Variants in EFNA5 observed in about 807,000 individuals in gnomAD.
EFNA5 encodes ephrin-A5.
Under a neutral mutation model 22.9 loss-of-function variants are expected in EFNA5, and 5 were observed. The ratio of observed to expected loss-of-function variants is 0.22; its 90% CI spans 0.11 to 0.46. EFNA5 has a LOEUF of 0.46. Ranked by LOEUF, EFNA5 falls within the 20% of genes least tolerant of loss-of-function variation. The pLI, the probability that EFNA5 is intolerant of heterozygous loss-of-function variation, is 0.99. For missense variants in EFNA5, 237 were observed against 293.3 expected (o/e 0.81, Z 1.40); for synonymous variants, 113 against 112.2 (o/e 1.01, Z -0.04).
At chr5:107,575,355 T>A (rs1041402305) in intron 1 of EFNA5, among the ~76,000 whole-genome samples, 6 of 152,220 alleles carry the variant, frequency 3.9e-5, no homozygotes, top group African/African-American at 1.4e-4. Context: ...CCCAAAATGT[T>A]TGGGTTGTTT....
chr5:107,569,559 T>TTATATATATATATATATATATATTTA (rs1748743144), intron 1 of EFNA5, among the ~76,000 whole-genome samples: 5 of 42,494 alleles, frequency 1.2e-4, no homozygotes, highest in African/African-American at 3.1e-4. Context: ...ATATATATAT[T>TTATATATATATATATATATATATTTA]TATATATATA....
intron 1 of EFNA5, among the ~76,000 whole-genome samples, chr5:107,473,193 A>G (rs1334436843): frequency 1.3e-5 from 2 of 151,470 alleles, no homozygotes; most frequent in African/African-American, 4.9e-5. Context: ...TGCCTCTGAA[A>G]CTTACACTCT....
At chr5:107,487,975 T>C (rs1746689401) in intron 1 of EFNA5, among the ~76,000 whole-genome samples, 1 of 152,162 alleles carries the variant, frequency 6.6e-6, no homozygotes, top group African/African-American at 2.4e-5. Flanking sequence ...GTATTGCCTA[T>C]GGAAATGTGA....
At chr5:107,545,725 G>T (rs1748132340) in intron 1 of EFNA5, among the ~76,000 whole-genome samples, 1 of 152,148 alleles carries the variant, frequency 6.6e-6, no homozygotes, top group Admixed American at 6.6e-5. Flanking sequence ...ACAAATGCAA[G>T]GGAGTTTTGT....
At chr5:107,417,918 GTC>G (rs1748545893) in intron 2 of EFNA5, among the ~76,000 whole-genome samples, 1 of 152,190 alleles carries the variant, frequency 6.6e-6, no homozygotes, top group African/African-American at 2.4e-5. Flanking sequence ...GAGTGGGAAA[GTC>G]TGTAGAAATA....
intron 1 of EFNA5, among the ~76,000 whole-genome samples, chr5:107,643,926 C>G (rs1241445581): frequency 2.6e-5 from 4 of 151,722 alleles, no homozygotes; most frequent in South Asian, 2.1e-4. Flanking sequence ...TAGAGAAAGT[C>G]TGTGTGTGAA....
At chr5:107,566,102 A>G (rs538124559) in intron 1 of EFNA5, among the ~76,000 whole-genome samples, 91 of 152,316 alleles carry the variant, frequency 6.0e-4, no homozygotes, top group African/African-American at 2.1e-3. Context: ...TTTAAAAAAG[A>G]AAAACTCCAC....
At chr5:107,571,572 G>C (rs1341352589) in intron 1 of EFNA5, among the ~76,000 whole-genome samples, 1 of 151,536 alleles carries the variant, frequency 6.6e-6, no homozygotes. Context: ...AATGCTAATG[G>C]CATAGGTTTG....
chr5:107,605,741 T>G (rs893670230), intron 1 of EFNA5, among the ~76,000 whole-genome samples: 7 of 152,166 alleles, frequency 4.6e-5, no homozygotes, highest in Non-Finnish European at 1.0e-4. Flanking sequence ...ACACAGAGAT[T>G]GCATTGTTCT....
chr5:107,610,087 C>A (rs1341817329), intron 1 of EFNA5, among the ~76,000 whole-genome samples: 1 of 152,178 alleles, frequency 6.6e-6, no homozygotes, highest in Admixed American at 6.5e-5. Flanking sequence ...AAATTCTCTT[C>A]TATTATTTCC....
rs200187971 is a variant in EFNA5 at position 107,670,640 on chromosome 5, G to A, written c.-27C>T. The stretch of plus-strand genomic sequence containing the variant: ...ACGCCTGGCCAGCGGCGGAGCCCCC[G>A]ACGCGCCACTCCGGGGAGAGAGCGG... On this transcript the variant is annotated 5_prime_UTR_variant, in exon 1 of 5. Transcript: ENST00000333274. 4 of 1,595,380 alleles carry A rather than the reference G, an allele frequency of 2.5e-6. No individual in the cohort carries two copies. Among genetic ancestry groups the A allele is most frequent in the Non-Finnish European group, 3.4e-6 (4 of 1,171,810 alleles).
Position 107,456,952 on chromosome 5 carries a change from C to T in EFNA5, c.126-29443G>A, listed in dbSNP as rs568966113. Among the ~76,000 whole-genome samples, 75 of 152,264 alleles carry T rather than the reference C, an allele frequency of 4.9e-4. 1 individual carries two copies. Among genetic ancestry groups the T allele is most frequent in the Middle Eastern group, 3.4e-3 (1 of 294 alleles). Reference sequence around the variant, plus strand: ...AGCACAGTTGTTCTGCTAGTGTACACTGCTTCCCTTCACGCTTACTGTTGT... The same window carrying T: ...AGCACAGTTGTTCTGCTAGTGTACATTGCTTCCCTTCACGCTTACTGTTGT... On this transcript the variant is annotated intron_variant, in intron 1 of 4. Coordinates refer to ENST00000333274, the MANE Select transcript of EFNA5 (RefSeq NM_001962.3).
rs1561443039 is a variant in EFNA5, at chr5:107,591,951, A to AATATATATAATATATATT, written c.125+78537_125+78538insAATATATATTATATATAT. On this transcript the variant is annotated intron_variant, in intron 1 of 4. Coordinates refer to ENST00000333274, the MANE Select transcript of EFNA5 (RefSeq NM_001962.3). ...AATATATAATATATATATTATATAT[A>AATATATATAATATATATT]ATATATAATATATATAATATATATA... 5.2e-3 allele frequency among the ~76,000 whole-genome samples: 64 copies of AATATATATAATATATATT among 12,376 alleles called. 7 individuals are homozygous for AATATATATAATATATATT. Among genetic ancestry groups the AATATATATAATATATATT allele is most frequent in the Admixed American group, 7.8e-3 (5 of 640 alleles). 8.1% of individuals were successfully genotyped at this position (12,376 alleles called of 152,430 possible).
intron 1 of EFNA5, among the ~76,000 whole-genome samples, chr5:107,666,890 T>C (rs183689753): frequency 5.9e-5 from 9 of 152,268 alleles, no homozygotes; most frequent in African/African-American, 1.7e-4. Flanking sequence ...CTTAGTATTA[T>C]GACTCTCTTT....
chr5:107,458,599 G>A (rs926149949), intron 1 of EFNA5, among the ~76,000 whole-genome samples: 4 of 151,886 alleles, frequency 2.6e-5, no homozygotes, highest in Non-Finnish European at 4.4e-5. Context: ...ACAATAAACT[G>A]CAGTTATAAA....
At chr5:107,553,674 T>C (rs1748348252) in intron 1 of EFNA5, among the ~76,000 whole-genome samples, 1 of 152,248 alleles carries the variant, frequency 6.6e-6, no homozygotes, top group Non-Finnish European at 1.5e-5. Flanking sequence ...CTATTGACAT[T>C]AGTGTATCTT....
At chr5:107,539,803 T>C (rs1382178597) in intron 1 of EFNA5, among the ~76,000 whole-genome samples, 3 of 152,048 alleles carry the variant, frequency 2.0e-5, no homozygotes. Context: ...CAGCATACCA[T>C]TGGTGACTCT....
intron 1 of EFNA5, among the ~76,000 whole-genome samples, chr5:107,430,409 CTAAG>C (rs913064059): frequency 1.3e-5 from 2 of 151,972 alleles, no homozygotes; most frequent in African/African-American, 2.4e-5. Flanking sequence ...TTTTCTTTCC[CTAAG>C]TGTCACTCAT....
At chr5:107,519,642 A>C (rs1371825192) in intron 1 of EFNA5, among the ~76,000 whole-genome samples, 2 of 152,242 alleles carry the variant, frequency 1.3e-5, no homozygotes, top group Non-Finnish European at 2.9e-5. Flanking sequence ...TCTTTGGGGC[A>C]TGGAGCGAAG....
Sources: allele counts gnomAD v4.1 joint callset (sites outside exome capture counted in the v4.1 genomes callset), GRCh38; gene constraint gnomAD v4.1.1; transcripts MANE v1.5; gene names NCBI Gene and HGNC (gene_info 2026-07-23, HGNC 2026-07-21).